Variants in SND1 observed in about 807,000 individuals in gnomAD.
SND1 encodes the protein staphylococcal nuclease and tudor domain containing 1, also known as staphylococcal nuclease domain-containing protein 1.
In SND1, 38 loss-of-function variants were observed where a neutral mutation model predicts 121.7. The ratio of observed to expected loss-of-function variants is 0.31; its 90% confidence interval spans 0.24 to 0.41. SND1 has a LOEUF of 0.41. Among genes scored for constraint, SND1 ranks in the 10% least tolerant of loss-of-function variants. SND1 has a pLI of 1.00. For synonymous variants in SND1, 401 were observed against 447.4 expected (o/e 0.90, Z 1.31); for missense variants, 868 against 1,184.6 (o/e 0.73, Z 3.92).
intron 15 of SND1, among the ~76,000 whole-genome samples, chr7:127,984,395 T>C (rs1003504291): frequency 6.6e-6 from 1 of 152,222 alleles, no homozygotes; most frequent in Non-Finnish European, 1.5e-5. Context: ...TATATAACCA[T>C]GGGAAAGTGG....
At chr7:128,051,661 A>T (rs1472694369) in intron 16 of SND1, among the ~76,000 whole-genome samples, 2 of 152,192 alleles carry the variant, frequency 1.3e-5, no homozygotes, top group African/African-American at 2.4e-5. Context: ...CTAGGAAGGG[A>T]CCTGGGTGGT....
intron 11 of SND1, among the ~76,000 whole-genome samples, chr7:127,831,963 A>G (rs904640636): frequency 6.6e-6 from 1 of 152,140 alleles, no homozygotes; most frequent in African/African-American, 2.4e-5. Context: ...ATTCTGTTCC[A>G]TGTTTCCCTC....
At position 127,704,914 on chromosome 7, in the gene SND1, C is replaced by T. The variant is rs748087476; in HGVS notation, c.916C>T (p.Arg306Trp). 26 of 1,614,002 alleles carry T rather than the reference C, an allele frequency of 1.6e-5. No homozygotes were observed. The highest frequency in any genetic ancestry group is 2.2e-5 in the East Asian group (1 of 44,854). Residue 306 changes from arginine to tryptophan, a missense_variant, in exon 8 of 24, where the codon CGG becomes TGG. By Grantham distance (101) the Arg-to-Trp change is moderately radical. Coordinates refer to ENST00000354725, the MANE Select transcript of SND1 (RefSeq NM_014390.4). ...GGACTGGTCGATTGCAGTTTACACC[C>T]GGGGCGCAGAAAAGCTGAGGGCGGC... ...CVDWSIAVYT[R>W]GAEKLRAAER...
At chr7:127,716,958 G>T (rs376515173) in intron 9 of SND1, among the ~76,000 whole-genome samples, 1 of 152,326 alleles carries the variant, frequency 6.6e-6, no homozygotes, top group South Asian at 2.1e-4. Flanking sequence ...TCAAGACTTG[G>T]TTTGCAGCTT....
chr7:127,691,893 A>T (rs1480499189), intron 2 of SND1, among the ~76,000 whole-genome samples: 1 of 151,536 alleles, frequency 6.6e-6, no homozygotes, highest in Non-Finnish European at 1.5e-5. Context: ...TGGCCTCCCA[A>T]AGTGTTGGGA....
chr7:127,981,301 G>T (rs1802255234), intron 15 of SND1, among the ~76,000 whole-genome samples: 1 of 152,174 alleles, frequency 6.6e-6, no homozygotes, highest in African/African-American at 2.4e-5. Flanking sequence ...AAAGGCACAG[G>T]TCTCTCCCAT....
intron 12 of SND1, among the ~76,000 whole-genome samples, chr7:127,861,211 T>C (rs1356824328): frequency 1.3e-5 from 2 of 152,218 alleles, no homozygotes; most frequent in South Asian, 2.1e-4. Flanking sequence ...TACAACATAA[T>C]ATTTTAAGAA....
chr7:128,001,768 C>A (rs1181270230), intron 16 of SND1, among the ~76,000 whole-genome samples: 1 of 152,116 alleles, frequency 6.6e-6, no homozygotes, highest in Non-Finnish European at 1.5e-5. Flanking sequence ...CCCGTCTCTA[C>A]TAAAAATACA....
chr7:127,970,128 G>A (rs997698287), intron 15 of SND1, among the ~76,000 whole-genome samples: 1 of 152,146 alleles, frequency 6.6e-6, no homozygotes, highest in Non-Finnish European at 1.5e-5. Flanking sequence ...TGATAATACA[G>A]CTATTTCCTA....
At chr7:127,967,351 G>T (rs1402641348) in intron 15 of SND1, among the ~76,000 whole-genome samples, 4 of 152,192 alleles carry the variant, frequency 2.6e-5, no homozygotes, top group East Asian at 3.8e-4. Flanking sequence ...AGGGATGGGG[G>T]TGGTGGGAAA....
intron 12 of SND1, among the ~76,000 whole-genome samples, chr7:127,867,412 C>A (rs1245310565): frequency 2.0e-5 from 3 of 152,138 alleles, no homozygotes; most frequent in Non-Finnish European, 2.9e-5. Context: ...CTCTTCTTAC[C>A]ACTATTCAGT....
chr7:128,049,476 C>A (rs572740885), intron 16 of SND1, among the ~76,000 whole-genome samples: 2 of 152,250 alleles, frequency 1.3e-5, no homozygotes, highest in East Asian at 1.9e-4. Flanking sequence ...CCCACCAGTT[C>A]CCCCTCTTCC....
intron 18 of SND1, chr7:128,081,822 C>T (rs1350177628): frequency 3.5e-6 from 2 of 569,312 alleles, no homozygotes; most frequent in African/African-American, 1.9e-5. Flanking sequence ...TTGTTTGTTC[C>T]TACATACCCC....
At chr7:127,710,959 T>C (rs550307158) in intron 9 of SND1, among the ~76,000 whole-genome samples, 30 of 152,324 alleles carry the variant, frequency 2.0e-4, no homozygotes, top group East Asian at 7.7e-4. Context: ...CCTGCAAAAT[T>C]TTTTTGTTTT....
At chr7:128,036,495 C>G (rs1372051070) in intron 16 of SND1, among the ~76,000 whole-genome samples, 1 of 152,184 alleles carries the variant, frequency 6.6e-6, no homozygotes, top group Admixed American at 6.5e-5. Flanking sequence ...GGACTCAGCT[C>G]TTTAAGGAAG....
chr7:128,070,411 G>A (rs1022496076), intron 16 of SND1, among the ~76,000 whole-genome samples: 2 of 152,192 alleles, frequency 1.3e-5, no homozygotes, highest in Non-Finnish European at 2.9e-5. Context: ...GCTCTCATAC[G>A]AAGCCTGCTC....
Position 128,070,535 on chromosome 7 carries a change from C to T in SND1, c.1780-3967C>T, listed in dbSNP as rs540067833. ...TGAGTCCAGAGCTCTTCCTGAAACA[C>T]TCCAAGATGCCCAAGAGATGAGTGG... On this transcript the variant is annotated intron_variant, in intron 16 of 23. Coordinates refer to ENST00000354725, the MANE Select transcript of SND1 (RefSeq NM_014390.4). Among the ~76,000 whole-genome samples, 7 of 152,344 alleles carry T rather than the reference C, an allele frequency of 4.6e-5. No homozygotes were observed. In the South Asian group the frequency reaches 1.4e-3, roughly 32 times the overall value.
At chr7:127,768,854 C>G (rs1797465455) in intron 10 of SND1, among the ~76,000 whole-genome samples, 1 of 152,178 alleles carries the variant, frequency 6.6e-6, no homozygotes, top group Admixed American at 6.5e-5. Flanking sequence ...GATGCATTGT[C>G]TAGGATCAGG....
chr7:127,893,559 A>T (rs1433605790), intron 13 of SND1, among the ~76,000 whole-genome samples: 1 of 152,118 alleles, frequency 6.6e-6, no homozygotes, highest in Non-Finnish European at 1.5e-5. Context: ...AAAGAAATTG[A>T]TGCTCCAGCC....
Sources: allele counts gnomAD v4.1 joint callset (sites outside exome capture counted in the v4.1 genomes callset), GRCh38; gene constraint gnomAD v4.1.1; transcripts MANE v1.5; gene names NCBI Gene and HGNC (gene_info 2026-07-23, HGNC 2026-07-21).